The following THOP1 variants were observed in gnomAD, a reference collection of about 807,000 sequenced individuals.
THOP1 encodes thimet oligopeptidase 1, also known as thimet oligopeptidase.
A neutral mutation model predicts 71.8 loss-of-function variants in THOP1; 49 were observed. The observed-to-expected ratio is 0.68, with a 90% CI of 0.54 to 0.87. The LOEUF is 0.87. Among genes scored for constraint, THOP1 ranks in the 40% least tolerant of loss-of-function variants. THOP1 has a pLI of 0.00. For synonymous variants in THOP1, 426 were observed against 421.5 expected (o/e 1.01, Z -0.13); for missense variants, 843 against 975.6 (o/e 0.86, Z 1.81).
intron 2 of THOP1, 55 bp from the exon 3 acceptor site, chr19:2,794,709 C>T (rs1599521601): frequency 1.3e-6 from 2 of 1,571,368 alleles, no homozygotes; most frequent in East Asian, 4.6e-5. Context: ...GCAACACCTG[C>T]CAGTTGTACT....
chr19:2,785,553 T>G lies in THOP1; in HGVS notation c.-110T>G. The G allele has an allele frequency of 3.1e-6, 4 of 1,309,490 alleles. No individual in the cohort carries two copies. The highest frequency in any genetic ancestry group is 4.0e-6 in the Non-Finnish European group (4 of 993,208). The allele number at this position is 1,309,490 out of a possible 1,614,324, so 81.1% of individuals were successfully genotyped here. On this transcript the variant is annotated 5_prime_UTR_variant, in exon 1 of 13. Transcript: ENST00000307741. ...GGGCCCCTTGGTCCTCAGGCGGCCG[T>G]GGCGGCGGTGGCGGCGGTTGGGCCG...
Position 2,804,157 on chromosome 19 carries a change from C to T in THOP1, c.590-859C>T, listed in dbSNP as rs1916230912. The stretch of plus-strand genomic sequence containing the variant: ...CCAGTCTTTGCATTGAAGCTGCAAG[C>T]CTGAGGCACGGTGGCCCTGGCGTCT... On this transcript the variant is annotated intron_variant, in intron 5 of 12. Coordinates refer to ENST00000307741, the MANE Select transcript of THOP1 (RefSeq NM_003249.5). The surrounding 1 kb of genome is among the most constrained non-coding windows in gnomAD (Gnocchi z 4.7). Among the ~76,000 whole-genome samples, 1 of 152,210 alleles carries T rather than the reference C, an allele frequency of 6.6e-6. No individual in the cohort carries two copies. Among genetic ancestry groups the T allele is most frequent in the Non-Finnish European group, 1.5e-5 (1 of 68,044 alleles).
In THOP1 at chr19:2,807,511, C is replaced by A; in HGVS notation, c.956C>A (p.Ala319Glu). 1 of 1,611,596 alleles carries A rather than the reference C, an allele frequency of 6.2e-7. No homozygotes were observed. Among genetic ancestry groups the A allele is most frequent in the Non-Finnish European group, 8.5e-7 (1 of 1,179,680 alleles). ...ERAVILELKR[A>E]ECERRGLPFD... ...GCGGTGATTCTGGAGCTGAAGCGTG[C>A]GGAGTGCGAGCGCCGGGGCCTGCCC... is the stretch of plus-strand genomic sequence containing the variant. Residue 319 changes from alanine to glutamate, a missense_variant, in exon 8 of 13, where the codon GCG (alanine) becomes GAG (glutamate). Transcript: ENST00000307741.
In THOP1 at chr19:2,808,017, G is replaced by A. The variant is rs953260901; in HGVS notation, c.1253+209G>A. ...TCTCACTCAGCCACCCCGACAGGGC[G>A]CAGCTCTGCCCAGGCCGGAGTCCTT... is the stretch of plus-strand genomic sequence containing the variant. On this transcript the variant is annotated intron_variant, in intron 8 of 12. Coordinates refer to ENST00000307741, the MANE Select transcript of THOP1 (RefSeq NM_003249.5). The A allele has an allele frequency of 4.4e-5, 34 of 780,592 alleles. 1 individual carries two copies. Among genetic ancestry groups the A allele is most frequent in the African/African-American group, 8.8e-5 (5 of 56,620 alleles). The allele number at this position is 780,592 out of a possible 1,614,324, so 48.4% of individuals were successfully genotyped here. A position where few individuals can be genotyped will look rare whatever the true frequency, so the allele number is the denominator to read the frequency against.
chr19:2,792,112 G>C (rs775391125), intron 2 of THOP1, among the ~76,000 whole-genome samples: 1 of 152,228 alleles, frequency 6.6e-6, no homozygotes, highest in Non-Finnish European at 1.5e-5. Context: ...TGACACTGTC[G>C]TCCCTGCGGT....
At chr19:2,800,168 T>C (rs1279256862) in intron 5 of THOP1, among the ~76,000 whole-genome samples, 1 of 152,218 alleles carries the variant, frequency 6.6e-6, no homozygotes, top group African/African-American at 2.4e-5. Context: ...TGCCTGCCTT[T>C]ATTTATTTAA....
At chr19:2,798,508 C>T (rs1018211942) in intron 4 of THOP1, among the ~76,000 whole-genome samples, 9 of 152,188 alleles carry the variant, frequency 5.9e-5, no homozygotes, top group African/African-American at 1.9e-4. Flanking sequence ...AGAGTTCCAG[C>T]GCGTCCCCGC....
intron 1 of THOP1, among the ~76,000 whole-genome samples, chr19:2,788,064 T>A (rs1915792483): frequency 1.3e-5 from 2 of 152,304 alleles, no homozygotes; most frequent in Non-Finnish European, 2.9e-5. Context: ...CCCCAAGACT[T>A]TTTGGACAGG....
intron 7 of THOP1, 116 bp from the exon 8 acceptor site, chr19:2,807,326 T>A: frequency 7.0e-7 from 1 of 1,426,682 alleles, no homozygotes; most frequent in South Asian, 1.5e-5. Flanking sequence ...TGCCGGGAAC[T>A]GCGGGTCCTC....
Position 2,813,420 on chromosome 19 carries a change from T to G in THOP1, c.*144T>G. The G allele has an allele frequency of 9.4e-7, 1 of 1,067,028 alleles. No individual in the cohort carries two copies. The highest frequency in any genetic ancestry group is 1.3e-6 in the Non-Finnish European group (1 of 771,640). The allele number at this position is 1,067,028 out of a possible 1,614,324, so 66.1% of individuals were successfully genotyped here. A position where few individuals can be genotyped will look rare whatever the true frequency, so the allele number is the denominator to read the frequency against. Reference sequence around the variant, plus strand: ...GGCTGTCTTGCCTCTTGTCATTGTCTGTCCCCACCCGGTCGTGGCCCACCC... The same window carrying G: ...GGCTGTCTTGCCTCTTGTCATTGTCGGTCCCCACCCGGTCGTGGCCCACCC... On this transcript the variant is annotated 3_prime_UTR_variant, in exon 13 of 13. Coordinates refer to ENST00000307741, the MANE Select transcript of THOP1 (RefSeq NM_003249.5).
At chr19:2,799,646 G>T (rs557509081) in intron 4 of THOP1, 43 bp from the exon 5 acceptor site, 2 of 1,416,264 alleles carry the variant, frequency 1.4e-6, no homozygotes, top group South Asian at 2.3e-5. Flanking sequence ...CGCGGAGCCC[G>T]CCCCGGTCTC....
rs1916539692 is a variant in THOP1 at position 2,813,467 on chromosome 19, G to A, written c.*191G>A. 6 of 663,544 alleles carry A rather than the reference G, an allele frequency of 9.0e-6. No homozygotes were observed. Among genetic ancestry groups the A allele is most frequent in the Non-Finnish European group, 1.5e-5 (6 of 408,668 alleles). The allele number at this position is 663,544 out of a possible 1,614,324, so 41.1% of individuals were successfully genotyped here. A position where few individuals can be genotyped will look rare whatever the true frequency, so the allele number is the denominator to read the frequency against. On this transcript the variant is annotated 3_prime_UTR_variant, in exon 13 of 13. Coordinates refer to ENST00000307741, the MANE Select transcript of THOP1 (RefSeq NM_003249.5). ...ACCCGGCTAGAGACGGCGTCCTCAA[G>A]GCATCTGGAGGGCTTTCGTGGCTGC...
In THOP1 at chr19:2,805,235, C is replaced by A; in HGVS notation, c.750+59C>A. The A allele has an allele frequency of 6.5e-7, 1 of 1,545,020 alleles. No homozygotes were observed. The highest frequency in any genetic ancestry group is 1.2e-5 in the South Asian group (1 of 81,450). On this transcript the variant is annotated intron_variant, in intron 6 of 12. Transcript: ENST00000307741. This position sits in a 1 kb window ranked among gnomAD's most constrained non-coding sequence, Gnocchi z 6.6. ...TGGGTCTGGAGCTTGTGGGGCCCGTCTGCTCCATGTGTGTGAGGCACCTCC... is the reference window on the plus strand; with the variant it reads ...TGGGTCTGGAGCTTGTGGGGCCCGTATGCTCCATGTGTGTGAGGCACCTCC...
intron 8 of THOP1, 92 bp downstream of exon 8, chr19:2,807,900 G>A: frequency 1.5e-6 from 2 of 1,361,434 alleles, no homozygotes; most frequent in East Asian, 2.6e-5. Context: ...GGAAGTCGTT[G>A]CCTGCTCCAT....
In THOP1 at chr19:2,814,833, C is replaced by T. The variant is rs557184607; in HGVS notation, c.*1557C>T. ...GCCCCAACTACTCAGGAGGCTGAGG[C>T]GGAAGGATTGCTTGAGCCCAGGAGG... On this transcript the variant is annotated 3_prime_UTR_variant, in exon 13 of 13. Coordinates refer to ENST00000307741, the MANE Select transcript of THOP1 (RefSeq NM_003249.5). The T allele has an allele frequency of 2.3e-3, 354 of 152,704 alleles. 2 individuals are homozygous for T. The highest frequency in any genetic ancestry group is 3.9e-3 in the Non-Finnish European group (269 of 68,358). The allele number at this position is 152,704 out of a possible 1,614,324, so 9.5% of individuals were successfully genotyped here.
At chr19:2,812,379 C>T (rs554657051) in intron 12 of THOP1, 81 of 1,507,012 alleles carry the variant, frequency 5.4e-5, no homozygotes, top group African/African-American at 4.2e-4. Flanking sequence ...GCAGGTACCT[C>T]GGAGCCACCA....
chr19:2,800,871 C>T (rs1295802440), intron 5 of THOP1, among the ~76,000 whole-genome samples: 11 of 151,956 alleles, frequency 7.2e-5, no homozygotes, highest in African/African-American at 2.7e-4. Context: ...GTCCCCGCGG[C>T]CACCCGCACC....
At chr19:2,808,584 G>A (rs976897400) in intron 9 of THOP1, 140 bp downstream of exon 9, 88 of 976,658 alleles carry the variant, frequency 9.0e-5, no homozygotes, top group Non-Finnish European at 1.3e-4. Context: ...GCCACCCAAA[G>A]ATGGTGACTC....
chr19:2,790,365 G>T, intron 1 of THOP1, 56 bp from the exon 2 acceptor site: 1 of 1,457,868 alleles, frequency 6.9e-7, no homozygotes, highest in South Asian at 1.4e-5. Context: ...TCCTGACTTT[G>T]ACCCTAACTG....
Sources: gnomAD v4.1 joint callset for allele counts (sites outside exome capture counted in the v4.1 genomes callset) on GRCh38, gnomAD v4.1.1 for gene constraint, Gnocchi (gnomAD v3.1) non-coding constraint, MANE v1.5 for transcripts, NCBI Gene and HGNC (gene_info 2026-07-23, HGNC 2026-07-21) for gene names.